ST3GAL5: variants seen among roughly 807,000 people sequenced by gnomAD.
The protein encoded by ST3GAL5 is lactosylceramide alpha-2,3-sialyltransferase.
ST3GAL5 carries 25 observed loss-of-function variants against 46.1 expected under a neutral mutation model. The ratio of observed to expected loss-of-function variants is 0.54; its 90% CI spans 0.40 to 0.76. The LOEUF is 0.76. ST3GAL5 is among the 30% of genes least tolerant of loss of function. The probability of loss-of-function intolerance (pLI) is 0.00; values close to 1 mark genes in which losing one functional copy is unlikely to be tolerated. For missense variants in ST3GAL5, 431 were observed against 521.2 expected (o/e 0.83, Z 1.69); for synonymous variants, 182 against 192.7 (o/e 0.94, Z 0.46).
chr2:85,858,007 A>T (rs1684328119), intron 3 of ST3GAL5: 1 of 152,186 alleles, frequency 6.6e-6, no homozygotes, highest in African/African-American at 2.4e-5. Flanking sequence ...GGCTCGTATG[A>T]ATTAGGATAA....
chr2:85,847,003 A>G (rs1349660814), intron 4 of ST3GAL5, among the ~76,000 whole-genome samples: 4 of 152,204 alleles, frequency 2.6e-5, no homozygotes, highest in Non-Finnish European at 5.9e-5. Flanking sequence ...TATGTTGCCC[A>G]GGCTGGTCTT....
intron 3 of ST3GAL5, chr2:85,853,070 G>A (rs1683710458): frequency 3.1e-6 from 4 of 1,304,240 alleles, no homozygotes; most frequent in Non-Finnish European, 4.0e-6. Context: ...TGCACGCAAT[G>A]CCATCCGCAG....
chr2:85,840,531 A>G, intron 6 of ST3GAL5, 139 bp from the exon 7 acceptor site: 2 of 907,340 alleles, frequency 2.2e-6, no homozygotes, highest in Non-Finnish European at 3.5e-6. Flanking sequence ...AATTTTATAC[A>G]TCATGAACTT....
chr2:85,846,266 A>AT, intron 5 of ST3GAL5, 111 bp downstream of exon 5: 1 of 962,166 alleles, frequency 1.0e-6, no homozygotes, highest in African/African-American at 1.6e-5. Flanking sequence ...AAGACAACAC[A>AT]TAAGTATGCA....
chr2:85,860,877 T>C (rs911750995), intron 3 of ST3GAL5: 6 of 334,008 alleles, frequency 1.8e-5, no homozygotes, highest in Non-Finnish European at 3.4e-5. Context: ...AATTTCTTTG[T>C]TGTTTACTTT....
At chr2:85,881,197 G>A (rs995504269) in intron 1 of ST3GAL5, among the ~76,000 whole-genome samples, 2 of 152,186 alleles carry the variant, frequency 1.3e-5, no homozygotes, top group Non-Finnish European at 2.9e-5. Flanking sequence ...CCATGATTGT[G>A]AGACCTTCCC....
chr2:85,847,473 T>C (rs1682932993), intron 4 of ST3GAL5: 19 of 1,019,236 alleles, frequency 1.9e-5, no homozygotes, highest in Non-Finnish European at 2.2e-5. Flanking sequence ...TTCTCAAACG[T>C]TAAGTCCCTT....
chr2:85,857,047 G>A (rs528212084), intron 3 of ST3GAL5, among the ~76,000 whole-genome samples: 29 of 129,606 alleles, frequency 2.2e-4, no homozygotes, highest in African/African-American at 5.0e-4. Flanking sequence ...TGGGAAACAC[G>A]GTAAGACCCT....
chr2:85,848,075 T>C lies in ST3GAL5; in HGVS notation c.448A>G (p.Lys150Glu), dbSNP rs781044723. 2.5e-6 allele frequency: 4 copies of C among 1,614,178 alleles called. No individual in the cohort carries two copies. The highest frequency in any genetic ancestry group is 1.3e-5 in the African/African-American group (1 of 75,028). Residue 150 changes from lysine (K) to glutamate (E), a missense_variant, in exon 4 of 7, where the codon AAA becomes GAA. Coordinates refer to ENST00000638572, the MANE Select transcript of ST3GAL5 (RefSeq NM_003896.4). Reference protein sequence around the residue: ...DLLPFVQKAPKDSEAESKYDP... With the variant: ...DLLPFVQKAPEDSEAESKYDP... ...TACTTGGACTCAGCTTCACTGTCTT[T>C]GGGGGCCTTCTGCACAAAAGGGAGT...
intron 1 of ST3GAL5, among the ~76,000 whole-genome samples, chr2:85,869,454 T>C (rs1685674018): frequency 6.6e-6 from 1 of 152,094 alleles, no homozygotes; most frequent in South Asian, 2.1e-4. Context: ...GAAACTATTT[T>C]CACTTAGGGA....
At chr2:85,883,027 C>T (rs570080783) in intron 1 of ST3GAL5, among the ~76,000 whole-genome samples, 13 of 152,078 alleles carry the variant, frequency 8.5e-5, no homozygotes, top group South Asian at 8.3e-4. Flanking sequence ...AGACTTTGGT[C>T]GGTGGACTTT....
chr2:85,880,697 A>C (rs1490859227), intron 1 of ST3GAL5, among the ~76,000 whole-genome samples: 1 of 151,920 alleles, frequency 6.6e-6, no homozygotes, highest in Non-Finnish European at 1.5e-5. Context: ...GGTGGCGTGC[A>C]CCTGTAGTCC....
In ST3GAL5 at chr2:85,848,115, C is replaced by A; in HGVS notation, c.408G>T (p.Arg136Ser). 6.2e-7 allele frequency: 1 copy of A among 1,614,196 alleles called. No individual in the cohort carries two copies. Among genetic ancestry groups the A allele is most frequent in the Non-Finnish European group, 8.5e-7 (1 of 1,180,032 alleles). Residue 136 changes from arginine to serine, a missense_variant, in exon 4 of 7, where the codon AGG becomes AGT. Arg to Ser is a moderately radical substitution (Grantham distance 110). Coordinates refer to ENST00000638572, the MANE Select transcript of ST3GAL5 (RefSeq NM_003896.4). ...CAAAAGGGAGTAAGTCCACGCTATA[C>A]CTGTGCTCAAATAACAGCGCCATTG... ...KTSMALLFEHRYSVDLLPFVQ... is the reference protein window; with the variant it reads ...KTSMALLFEHSYSVDLLPFVQ...
chr2:85,859,429 G>T (rs1000208593), intron 3 of ST3GAL5, among the ~76,000 whole-genome samples: 2 of 152,204 alleles, frequency 1.3e-5, no homozygotes, highest in South Asian at 2.1e-4. Context: ...GCAAAGGACT[G>T]GGGGAGGTAT....
In ST3GAL5 at chr2:85,852,933, C is replaced by T. The variant is rs377092093; in HGVS notation, c.319-4729G>A. 9.2e-6 allele frequency: 12 copies of T among 1,301,844 alleles called. No homozygotes were observed. In the African/African-American group the frequency reaches 1.9e-4, roughly 20 times the overall value. The allele number at this position is 1,301,844 out of a possible 1,614,324, so 80.6% of individuals were successfully genotyped here. A position where few individuals can be genotyped will look rare whatever the true frequency, so the allele number is the denominator to read the frequency against. ...AGAGAAAAGACTCGGTTTGAAGATG[C>T]TGGTGCCTGGGCTCACTGAATGCTT... On this transcript the variant is annotated intron_variant, in intron 3 of 6. Coordinates refer to ENST00000638572, the MANE Select transcript of ST3GAL5 (RefSeq NM_003896.4).
chr2:85,874,404 C>A (rs1053397085), intron 1 of ST3GAL5, among the ~76,000 whole-genome samples: 1 of 152,088 alleles, frequency 6.6e-6, no homozygotes, highest in African/African-American at 2.4e-5. Context: ...AGCCCAGTTC[C>A]GCTTCCACCT....
intron 1 of ST3GAL5, chr2:85,875,366 T>TTTC: frequency 6.6e-6 from 1 of 150,932 alleles, no homozygotes; most frequent in Middle Eastern, 3.4e-3. Flanking sequence ...TGCCTGATTT[T>TTTC]TTTTTTTTTT....
At chr2:85,882,773 C>T (rs1455014560) in intron 1 of ST3GAL5, among the ~76,000 whole-genome samples, 1 of 146,840 alleles carries the variant, frequency 6.8e-6, no homozygotes, top group African/African-American at 2.5e-5. Flanking sequence ...GCGGAGGTTG[C>T]AGTGAGCTGA....
chr2:85,862,629 C>T (rs924059247), intron 2 of ST3GAL5, among the ~76,000 whole-genome samples: 2 of 152,210 alleles, frequency 1.3e-5, no homozygotes, highest in Non-Finnish European at 2.9e-5. Flanking sequence ...AGGTCTATCT[C>T]CCCTGCTGCC....
Sources: gnomAD v4.1 joint callset for allele counts (sites outside exome capture counted in the v4.1 genomes callset) on GRCh38, gnomAD v4.1.1 for gene constraint, MANE v1.5 for transcripts, NCBI Gene and HGNC (gene_info 2026-07-23, HGNC 2026-07-21) for gene names.